The following HECW1 variants were observed in gnomAD, a reference collection of about 807,000 sequenced individuals.
The protein encoded by HECW1 is E3 ubiquitin-protein ligase HECW1.
In HECW1, 61 loss-of-function variants were observed where a neutral mutation model predicts 182.3. The observed-to-expected ratio is 0.33, with a 90% CI of 0.27 to 0.41. The LOEUF (loss-of-function observed/expected upper bound fraction) is 0.41. Ranked by LOEUF, HECW1 falls within the 10% of genes least tolerant of loss-of-function variation. The pLI is 1.00. For missense variants in HECW1, 1,739 were observed against 2,108.9 expected, an observed-to-expected ratio of 0.82 and a Z score of 3.44; for synonymous variants, 859 against 832.6, an observed-to-expected ratio of 1.03 and a Z score of -0.55.
chr7:43,363,910 T>A (rs183997647), intron 6 of HECW1, among the ~76,000 whole-genome samples: 1 of 152,222 alleles, frequency 6.6e-6, no homozygotes, highest in African/African-American at 2.4e-5. Context: ...AGTTTGGGTA[T>A]AATCTAGCAA....
At chr7:43,332,889 CT>C (rs1490972242) in intron 5 of HECW1, among the ~76,000 whole-genome samples, 3 of 152,090 alleles carry the variant, frequency 2.0e-5, no homozygotes, top group African/African-American at 2.4e-5. Flanking sequence ...TTTATTTTTC[CT>C]TTTTGTTAAT....
intron 3 of HECW1, chr7:43,249,206 A>G (rs1430794320): frequency 6.6e-6 from 1 of 152,250 alleles, no homozygotes; most frequent in African/African-American, 2.4e-5. Context: ...CGCCACTAAC[A>G]TTTTCCCAGC....
intron 3 of HECW1, among the ~76,000 whole-genome samples, chr7:43,267,189 G>A (rs1801894797): frequency 6.6e-6 from 1 of 152,064 alleles, no homozygotes; most frequent in African/African-American, 2.4e-5. Context: ...ATCATTGCAA[G>A]GATCTATAAA....
At chr7:43,251,503 A>G (rs1800023919) in intron 3 of HECW1, among the ~76,000 whole-genome samples, 1 of 152,198 alleles carries the variant, frequency 6.6e-6, no homozygotes, top group East Asian at 1.9e-4. Flanking sequence ...TTTAATAGAG[A>G]TGGGGTTTCA....
chr7:43,124,983 G>C (rs1241277792), intron 2 of HECW1, among the ~76,000 whole-genome samples: 1 of 152,138 alleles, frequency 6.6e-6, no homozygotes, highest in Non-Finnish European at 1.5e-5. Context: ...TAGACTGAGT[G>C]ACTTATAAAC....
chr7:43,190,137 G>A lies in HECW1; in HGVS notation c.-31-53738G>A, dbSNP rs921698872. On this transcript the variant is annotated intron_variant, in intron 2 of 29. Transcript: ENST00000395891. ...GCTTTGTTTGTTTGTTTTTTGAGACGGAGTCATGCTCTGTCGCCCAGGCTG... is the reference window on the plus strand; with the variant it reads ...GCTTTGTTTGTTTGTTTTTTGAGACAGAGTCATGCTCTGTCGCCCAGGCTG... Among the ~76,000 whole-genome samples the A allele has an allele frequency of 5.3e-5, 8 of 152,172 alleles. No individual in the cohort carries two copies. In the East Asian group the frequency reaches 5.8e-4, roughly 11 times the overall value.
At chr7:43,188,121 CT>C (rs1366245021) in intron 2 of HECW1, among the ~76,000 whole-genome samples, 1 of 152,232 alleles carries the variant, frequency 6.6e-6, no homozygotes, top group Non-Finnish European at 1.5e-5. Context: ...TGGTTCCAGA[CT>C]GAGGATGTCT....
chr7:43,326,819 G>A (rs1810851904), intron 5 of HECW1, among the ~76,000 whole-genome samples: 3 of 152,222 alleles, frequency 2.0e-5, no homozygotes, highest in African/African-American at 4.8e-5. Flanking sequence ...AGGGCTCCAG[G>A]GGAGCCGGTG....
chr7:43,170,912 AG>A (rs1791619487), intron 2 of HECW1, among the ~76,000 whole-genome samples: 1 of 152,196 alleles, frequency 6.6e-6, no homozygotes. Flanking sequence ...AGGGAGGAAA[AG>A]AAAAACGTTT....
At chr7:43,290,475 G>C (rs1279831406) in intron 3 of HECW1, among the ~76,000 whole-genome samples, 2 of 152,194 alleles carry the variant, frequency 1.3e-5, no homozygotes, top group Non-Finnish European at 2.9e-5. Context: ...TAGAGGTCTT[G>C]TGATTTTTAA....
intron 3 of HECW1, among the ~76,000 whole-genome samples, chr7:43,290,815 G>C (rs888355766): frequency 6.6e-6 from 1 of 152,202 alleles, no homozygotes; most frequent in Non-Finnish European, 1.5e-5. Flanking sequence ...CAGTGCTTGG[G>C]ATCCAAGCCA....
intron 2 of HECW1, among the ~76,000 whole-genome samples, chr7:43,188,513 G>C (rs1180392180): frequency 6.6e-6 from 1 of 152,180 alleles, no homozygotes; most frequent in Non-Finnish European, 1.5e-5. Context: ...TACCCTCTAA[G>C]TGAGAATACT....
At chr7:43,206,409 C>G (rs139686720) in intron 2 of HECW1, among the ~76,000 whole-genome samples, 4 of 152,112 alleles carry the variant, frequency 2.6e-5, no homozygotes, top group Non-Finnish European at 4.4e-5. Context: ...TTTTTCTGGT[C>G]TTTTATTTTT....
chr7:43,287,682 G>C (rs994731512), intron 3 of HECW1, among the ~76,000 whole-genome samples: 1 of 152,160 alleles, frequency 6.6e-6, no homozygotes, highest in African/African-American at 2.4e-5. Context: ...TCTGTGGAGA[G>C]CAGAATGTAA....
intron 2 of HECW1, among the ~76,000 whole-genome samples, chr7:43,177,393 T>C (rs1427612327): frequency 6.6e-6 from 1 of 152,228 alleles, no homozygotes; most frequent in African/African-American, 2.4e-5. Flanking sequence ...CCCTAGTACC[T>C]AATGACCAGA....
At chr7:43,382,112 C>T (rs1167125588) in intron 6 of HECW1, among the ~76,000 whole-genome samples, 3 of 152,066 alleles carry the variant, frequency 2.0e-5, no homozygotes, top group South Asian at 2.1e-4. Context: ...GGTGAAACCC[C>T]GTCTCTACTA....
chr7:43,403,647 A>G (rs68183123), intron 7 of HECW1, among the ~76,000 whole-genome samples: 5,478 of 152,228 alleles, frequency 0.036, 284 homozygotes, highest in African/African-American at 0.12. Flanking sequence ...ATTGTTTCCC[A>G]GGCTCTCACA....
chr7:43,390,229 G>T (rs1341810531), intron 6 of HECW1, among the ~76,000 whole-genome samples: 2 of 152,066 alleles, frequency 1.3e-5, no homozygotes, highest in African/African-American at 4.8e-5. Context: ...AAGCTGGCTT[G>T]GTGATGGTGG....
At chr7:43,475,749 G>A (rs372997166) in intron 16 of HECW1, among the ~76,000 whole-genome samples, 8 of 152,006 alleles carry the variant, frequency 5.3e-5, no homozygotes, top group Admixed American at 5.2e-4. Flanking sequence ...TTTTGGTAGA[G>A]ACAGGTTTTC....
Sources: allele counts gnomAD v4.1 joint callset (sites outside exome capture counted in the v4.1 genomes callset), GRCh38; gene constraint gnomAD v4.1.1; transcripts MANE v1.5; gene names NCBI Gene and HGNC (gene_info 2026-07-23, HGNC 2026-07-21).